BCL2: variants seen among roughly 807,000 people sequenced by gnomAD.
The protein encoded by BCL2 is BCL2 apoptosis regulator.
A neutral mutation model predicts 14.2 loss-of-function variants in BCL2; 1 was observed. The observed-to-expected ratio is 0.07, with a 90% CI of 0.02 to 0.33. BCL2 has a LOEUF of 0.33. Among genes scored for constraint, BCL2 ranks in the 10% least tolerant of loss-of-function variants. The probability of loss-of-function intolerance (pLI) is 0.99; values close to 1 mark genes in which losing one functional copy is unlikely to be tolerated. For missense variants in BCL2, 247 were observed against 305.9 expected, an observed-to-expected ratio of 0.81 and a Z score of 1.44; for synonymous variants, 151 against 137.2, an observed-to-expected ratio of 1.10 and a Z score of -0.70.
intron 2 of BCL2, among the ~76,000 whole-genome samples, chr18:63,289,397 A>G (rs1274553317): frequency 6.6e-6 from 1 of 152,208 alleles, no homozygotes; most frequent in East Asian, 1.9e-4. Flanking sequence ...GAGAATTCTG[A>G]TGGGAACAGA....
Position 63,165,453 on chromosome 18 carries a change from G to A in BCL2, c.586-36694C>T, listed in dbSNP as rs139296958. 1.5e-3 allele frequency among the ~76,000 whole-genome samples: 232 copies of A among 152,328 alleles called. 2 individuals are homozygous for A. In the Middle Eastern group the frequency reaches 0.024, roughly 16 times the overall value. ...GCTGCAGACCTCCCTGGCTTGGGGA[G>A]CCGCAGGCATCTTCTGTGTTTATCC... is the stretch of plus-strand genomic sequence containing the variant. On this transcript the variant is annotated intron_variant, in intron 2 of 2. Coordinates refer to ENST00000333681, the MANE Select transcript of BCL2 (RefSeq NM_000633.3).
intron 2 of BCL2, among the ~76,000 whole-genome samples, chr18:63,287,541 G>T (rs1374714029): frequency 6.6e-6 from 1 of 152,104 alleles, no homozygotes; most frequent in Non-Finnish European, 1.5e-5. Context: ...AAATATGTTT[G>T]GGGGGTGACT....
intron 2 of BCL2, among the ~76,000 whole-genome samples, chr18:63,136,033 G>A (rs969015335): frequency 6.6e-6 from 1 of 152,008 alleles, no homozygotes; most frequent in East Asian, 1.9e-4. Context: ...CCGTGACTCT[G>A]CTCCCTTTGG....
At position 63,290,121 on chromosome 18, in the gene BCL2, G is replaced by A. The variant is rs186203884; in HGVS notation, c.585+27961C>T. On this transcript the variant is annotated intron_variant, in intron 2 of 2. Coordinates refer to ENST00000333681, the MANE Select transcript of BCL2 (RefSeq NM_000633.3). ...CCCTAGGTTTTGAGCCTGGGTGATC[G>A]GAATAGTGATGAGAGCAGGAAGAGA... Among the ~76,000 whole-genome samples the A allele has an allele frequency of 1.1e-3, 173 of 152,218 alleles. 2 individuals are homozygous for A. In the South Asian group the frequency reaches 0.033, roughly 29 times the overall value.
At chr18:63,255,832 C>T (rs539532326) in intron 2 of BCL2, among the ~76,000 whole-genome samples, 4 of 151,746 alleles carry the variant, frequency 2.6e-5, no homozygotes, top group South Asian at 2.1e-4. Context: ...AGCCCTCCCC[C>T]CCCGCCACAC....
chr18:63,256,690 A>G (rs114810345), intron 2 of BCL2, among the ~76,000 whole-genome samples: 2,193 of 152,130 alleles, frequency 0.014, 59 homozygotes, highest in African/African-American at 0.05. Context: ...GGCATGTGGC[A>G]AGGGGTATGG....
At chr18:63,304,102 C>A (rs1168759936) in intron 2 of BCL2, among the ~76,000 whole-genome samples, 4 of 152,194 alleles carry the variant, frequency 2.6e-5, no homozygotes, top group Non-Finnish European at 5.9e-5. Context: ...ATTGTCCCAT[C>A]AGCACCCTTG....
intron 2 of BCL2, among the ~76,000 whole-genome samples, chr18:63,278,633 C>A (rs1912224438): frequency 6.6e-6 from 1 of 152,168 alleles, no homozygotes; most frequent in Admixed American, 6.5e-5. Context: ...CCCCTCTTGT[C>A]CTTGTAGAAG....
At chr18:63,259,941 G>T (rs1240607075) in intron 2 of BCL2, among the ~76,000 whole-genome samples, 3 of 152,134 alleles carry the variant, frequency 2.0e-5, no homozygotes, top group Non-Finnish European at 2.9e-5. Context: ...CTTTCTAATT[G>T]TCTCAGTTAC....
intron 2 of BCL2, among the ~76,000 whole-genome samples, chr18:63,140,771 T>C (rs1914335107): frequency 6.6e-6 from 1 of 152,208 alleles, no homozygotes; most frequent in Non-Finnish European, 1.5e-5. Context: ...ACCAATGCGC[T>C]GATCACTTTA....
chr18:63,318,744 G>T lies in BCL2; in HGVS notation c.-78C>A. The stretch of plus-strand genomic sequence containing the variant: ...CACCCCACGGCCCCCAGAGAAAGAA[G>T]AGGAGTTATAATCCAGCTATTTTAT... On this transcript the variant is annotated 5_prime_UTR_variant, in exon 2 of 3. Coordinates refer to ENST00000333681, the MANE Select transcript of BCL2 (RefSeq NM_000633.3). This position sits in a 1 kb window ranked among gnomAD's most constrained non-coding sequence, Gnocchi z 7.4. The T allele has an allele frequency of 1.9e-6, 3 of 1,590,586 alleles. No individual in the cohort carries two copies. The South Asian group carries it at 3.4e-5, about 18-fold the overall frequency.
intron 2 of BCL2, among the ~76,000 whole-genome samples, chr18:63,215,687 A>G (rs1910179976): frequency 6.6e-6 from 1 of 152,314 alleles, no homozygotes; most frequent in Middle Eastern, 3.4e-3. Flanking sequence ...AATGAAAGCA[A>G]GTGTCCATGA....
chr18:63,176,025 G>A (rs1915340805), intron 2 of BCL2, among the ~76,000 whole-genome samples: 1 of 152,204 alleles, frequency 6.6e-6, no homozygotes, highest in Non-Finnish European at 1.5e-5. Context: ...CAAGCAAAGG[G>A]AAATCTAAAA....
intron 2 of BCL2, among the ~76,000 whole-genome samples, chr18:63,161,327 T>A (rs1914914411): frequency 6.6e-6 from 1 of 152,230 alleles, no homozygotes; most frequent in African/African-American, 2.4e-5. Flanking sequence ...TATTTTTTCC[T>A]GTGAAAAAAA....
In BCL2 at chr18:63,125,964, A is replaced by G. The variant is rs563706706; in HGVS notation, c.*2661T>C. ...TGTGAATCCCGTTTGAACAACAACA[A>G]AAGACAAAACAGGCTTTATATTAAA... On this transcript the variant is annotated 3_prime_UTR_variant, in exon 3 of 3. Transcript: ENST00000333681. 2.3e-3 allele frequency: 490 copies of G among 213,924 alleles called. 2 individuals carry two copies. The highest frequency in any genetic ancestry group is 0.011 in the Middle Eastern group (7 of 666). 13.3% of individuals were successfully genotyped at this position (213,924 alleles called of 1,614,324 possible).
At chr18:63,307,919 C>T (rs973662087) in intron 2 of BCL2, among the ~76,000 whole-genome samples, 1 of 152,074 alleles carries the variant, frequency 6.6e-6, no homozygotes, top group East Asian at 1.9e-4. Flanking sequence ...TTTAAAAAGC[C>T]CCTGGAGAAG....
intron 2 of BCL2, among the ~76,000 whole-genome samples, chr18:63,266,734 G>T (rs1418783037): frequency 6.6e-6 from 1 of 151,624 alleles, no homozygotes; most frequent in African/African-American, 2.4e-5. Context: ...TGGCCCACAA[G>T]GCTGTGTGAC....
chr18:63,129,737 C>A (rs923941421), intron 2 of BCL2, among the ~76,000 whole-genome samples: 2 of 152,204 alleles, frequency 1.3e-5, no homozygotes, highest in Non-Finnish European at 2.9e-5. Flanking sequence ...GATGCCCTGG[C>A]GTGGCTAACG....
At chr18:63,159,770 C>T (rs1914872112) in intron 2 of BCL2, among the ~76,000 whole-genome samples, 1 of 152,208 alleles carries the variant, frequency 6.6e-6, no homozygotes, top group African/African-American at 2.4e-5. Context: ...TACAAAAACA[C>T]AGATGAATGT....
Sources: gnomAD v4.1 joint callset for allele counts (sites outside exome capture counted in the v4.1 genomes callset) on GRCh38, gnomAD v4.1.1 for gene constraint, Gnocchi (gnomAD v3.1) non-coding constraint, MANE v1.5 for transcripts, NCBI Gene and HGNC (gene_info 2026-07-23, HGNC 2026-07-21) for gene names.